The following GRID1 variants were observed in gnomAD, a reference collection of about 807,000 sequenced individuals.
GRID1 encodes the protein glutamate receptor ionotropic, delta-1.
A neutral mutation model predicts 98.0 loss-of-function variants in GRID1; 28 were observed. The observed-to-expected ratio is 0.29, with a 90% CI of 0.21 to 0.39. The LOEUF (loss-of-function observed/expected upper bound fraction) is 0.39. Among genes scored for constraint, GRID1 ranks in the 10% least tolerant of loss-of-function variants. The probability of loss-of-function intolerance (pLI) is 1.00; values close to 1 mark genes in which losing one functional copy is unlikely to be tolerated. For synonymous variants in GRID1, 553 were observed against 538.5 expected, an observed-to-expected ratio of 1.03 and a Z score of -0.37; for missense variants, 1,111 against 1,340.5, an observed-to-expected ratio of 0.83 and a Z score of 2.67.
chr10:85,989,747 T>C (rs1487713938), intron 4 of GRID1, among the ~76,000 whole-genome samples: 1 of 152,216 alleles, frequency 6.6e-6, no homozygotes, highest in East Asian at 1.9e-4. Context: ...TGGAGACCGC[T>C]GTTCTACAGG....
At chr10:85,949,099 G>A (rs1386774449) in intron 4 of GRID1, among the ~76,000 whole-genome samples, 1 of 152,176 alleles carries the variant, frequency 6.6e-6, no homozygotes, top group African/African-American at 2.4e-5. Context: ...CTTCTCCCAG[G>A]AGGGTACTCT....
chr10:85,731,782 A>G lies in GRID1; in HGVS notation c.1234-2168T>C, dbSNP rs192164785. 2.1e-4 allele frequency among the ~76,000 whole-genome samples: 30 copies of G among 144,112 alleles called. No individual in the cohort carries two copies. In the Middle Eastern group the frequency reaches 0.014, roughly 67 times the overall value. The allele number at this position is 144,112 out of a possible 152,430, so 94.5% of individuals were successfully genotyped here. On this transcript the variant is annotated intron_variant, in intron 8 of 15. Coordinates refer to ENST00000327946, the MANE Select transcript of GRID1 (RefSeq NM_017551.3). ...GTGCCACTGCACTCCAGCCTGGGCA[A>G]CAGAGTGAGACCCTGACAAAAAAAA...
Position 85,662,662 on chromosome 10 carries a change from T to A in GRID1, c.1998-15265A>T, listed in dbSNP as rs575129001. The stretch of plus-strand genomic sequence containing the variant: ...TCCCCCATGCCTGAACTGAGCCTTG[T>A]ATGACATTTTTCCTGATGCCAGGGC... On this transcript the variant is annotated intron_variant, in intron 12 of 15. Coordinates refer to ENST00000327946, the MANE Select transcript of GRID1 (RefSeq NM_017551.3). Among the ~76,000 whole-genome samples, 6 of 152,298 alleles carry A rather than the reference T, an allele frequency of 3.9e-5. No homozygotes were observed. In the South Asian group the frequency reaches 1.2e-3, roughly 32 times the overall value.
At chr10:86,026,588 T>A (rs1832494204) in intron 4 of GRID1, among the ~76,000 whole-genome samples, 1 of 152,098 alleles carries the variant, frequency 6.6e-6, no homozygotes, top group South Asian at 2.1e-4. Context: ...TACAACCAAG[T>A]CAACTATGTC....
At chr10:86,246,345 T>A (rs911780818) in intron 2 of GRID1, among the ~76,000 whole-genome samples, 1 of 152,186 alleles carries the variant, frequency 6.6e-6, no homozygotes, top group Non-Finnish European at 1.5e-5. Flanking sequence ...TGGACACTTC[T>A]CGCTCTCCCG....
At chr10:85,733,374 G>A (rs1841845866) in intron 8 of GRID1, among the ~76,000 whole-genome samples, 1 of 152,102 alleles carries the variant, frequency 6.6e-6, no homozygotes, top group African/African-American at 2.4e-5. Flanking sequence ...ACCTTGCCTC[G>A]AATTCCAGGC....
At chr10:86,046,866 A>G (rs1843431871) in intron 4 of GRID1, among the ~76,000 whole-genome samples, 1 of 150,280 alleles carries the variant, frequency 6.7e-6, no homozygotes, top group South Asian at 2.1e-4. Flanking sequence ...CATTTCAAAA[A>G]AAAAAAAAAA....
chr10:85,689,490 A>G (rs979913959), intron 12 of GRID1, among the ~76,000 whole-genome samples: 1 of 152,156 alleles, frequency 6.6e-6, no homozygotes, highest in African/African-American at 2.4e-5. Flanking sequence ...TATAGAGGCT[A>G]GAGAACACAG....
At chr10:85,900,788 C>G (rs1339582562) in intron 5 of GRID1, among the ~76,000 whole-genome samples, 2 of 152,162 alleles carry the variant, frequency 1.3e-5, no homozygotes, top group Non-Finnish European at 2.9e-5. Flanking sequence ...ATGAGCATCC[C>G]TGGTGCTTCA....
intron 4 of GRID1, among the ~76,000 whole-genome samples, chr10:85,917,187 A>G (rs1319554666): frequency 6.6e-6 from 1 of 152,180 alleles, no homozygotes; most frequent in Non-Finnish European, 1.5e-5. Flanking sequence ...GCAGGTGCCA[A>G]GTGCTTGCTG....
chr10:86,047,113 T>C (rs1220589600), intron 4 of GRID1, among the ~76,000 whole-genome samples: 2 of 152,232 alleles, frequency 1.3e-5, no homozygotes, highest in Admixed American at 1.3e-4. Flanking sequence ...TAATTAATCT[T>C]TGTTAAGCTC....
chr10:86,159,978 C>CCAT (rs1297374708), intron 3 of GRID1, among the ~76,000 whole-genome samples: 1 of 152,084 alleles, frequency 6.6e-6, no homozygotes, highest in Non-Finnish European at 1.5e-5. Context: ...ATCATCACCA[C>CCAT]CATCATCATC....
chr10:86,360,696 T>C (rs1848589146), intron 2 of GRID1, among the ~76,000 whole-genome samples: 1 of 152,234 alleles, frequency 6.6e-6, no homozygotes, highest in African/African-American at 2.4e-5. Flanking sequence ...GCAGGCCTTA[T>C]GTAGATGATT....
chr10:86,276,857 C>T (rs1219493014), intron 2 of GRID1, among the ~76,000 whole-genome samples: 1 of 150,458 alleles, frequency 6.6e-6, no homozygotes, highest in East Asian at 1.9e-4. Context: ...CGACATATTT[C>T]AAGTGCTGGA....
intron 4 of GRID1, among the ~76,000 whole-genome samples, chr10:86,050,085 G>T (rs1272587142): frequency 1.4e-4 from 21 of 152,184 alleles, no homozygotes; most frequent in Admixed American, 1.3e-3. Context: ...ACCAGACTCA[G>T]CCAGGCGTGA....
intron 8 of GRID1, among the ~76,000 whole-genome samples, chr10:85,832,041 G>A (rs1361582618): frequency 6.7e-6 from 1 of 149,134 alleles, no homozygotes; most frequent in Admixed American, 6.6e-5. Context: ...ACAAAAATCA[G>A]GGTAAGAAAA....
chr10:85,738,100 A>C (rs148330156), intron 8 of GRID1, among the ~76,000 whole-genome samples: 1 of 152,276 alleles, frequency 6.6e-6, no homozygotes, highest in African/African-American at 2.4e-5. Flanking sequence ...GAGCAGGAAA[A>C]AGAAAAATAT....
At chr10:86,263,372 C>G (rs1313122937) in intron 2 of GRID1, among the ~76,000 whole-genome samples, 2 of 152,036 alleles carry the variant, frequency 1.3e-5, no homozygotes, top group Non-Finnish European at 2.9e-5. Flanking sequence ...GGAAATGAGA[C>G]GGCAGCGGGG....
intron 4 of GRID1, among the ~76,000 whole-genome samples, chr10:86,062,143 C>T (rs1221687900): frequency 6.6e-6 from 1 of 152,266 alleles, no homozygotes; most frequent in East Asian, 1.9e-4. Flanking sequence ...GAGGGCAAAA[C>T]TTTGTTGTGC....
Sources: gnomAD v4.1 joint callset for allele counts (sites outside exome capture counted in the v4.1 genomes callset) on GRCh38, gnomAD v4.1.1 for gene constraint, MANE v1.5 for transcripts, NCBI Gene and HGNC (gene_info 2026-07-23, HGNC 2026-07-21) for gene names.